Variants in AGBL4 observed in about 807,000 individuals in gnomAD.
The protein encoded by AGBL4 is cytosolic carboxypeptidase 6.
Under a neutral mutation model 66.4 loss-of-function variants are expected in AGBL4, and 58 were observed. The observed-to-expected ratio is 0.87, with a 90% confidence interval of 0.71 to 1.09. The LOEUF (loss-of-function observed/expected upper bound fraction) is 1.09. Ranked by LOEUF, AGBL4 falls within the 50% of genes least tolerant of loss-of-function variation. The pLI is 0.00. For missense variants in AGBL4, 579 were observed against 631.0 expected (o/e 0.92, Z 0.88); for synonymous variants, 234 against 222.9 (o/e 1.05, Z -0.44).
intron 3 of AGBL4, among the ~76,000 whole-genome samples, chr1:49,631,716 G>T (rs1300168472): frequency 6.6e-6 from 1 of 152,194 alleles, no homozygotes; most frequent in Non-Finnish European, 1.5e-5. Context: ...AAGCAGGGAT[G>T]ACCTTCAGAC....
At chr1:48,835,065 T>C (rs1416127921) in intron 6 of AGBL4, among the ~76,000 whole-genome samples, 2 of 152,156 alleles carry the variant, frequency 1.3e-5, no homozygotes, top group Non-Finnish European at 2.9e-5. Flanking sequence ...CCTCTGTGAA[T>C]GGTGAGTTAT....
At chr1:50,015,824 G>T (rs1211944063) in intron 1 of AGBL4, among the ~76,000 whole-genome samples, 1 of 152,076 alleles carries the variant, frequency 6.6e-6, no homozygotes, top group Non-Finnish European at 1.5e-5. Context: ...ACAGAACAGA[G>T]GAAGCAGAAA....
chr1:49,734,203 G>T (rs1295485051), intron 2 of AGBL4, among the ~76,000 whole-genome samples: 3 of 151,870 alleles, frequency 2.0e-5, no homozygotes, highest in Non-Finnish European at 2.9e-5. Flanking sequence ...TGCCCCCAAA[G>T]ATCAGGAACA....
intron 2 of AGBL4, among the ~76,000 whole-genome samples, chr1:49,786,789 GA>G (rs1253615199): frequency 1.3e-5 from 2 of 151,656 alleles, no homozygotes; most frequent in South Asian, 4.2e-4. Context: ...TAGGTATCAA[GA>G]AAAAAAACAG....
chr1:49,321,579 T>C (rs1570430702), intron 3 of AGBL4, among the ~76,000 whole-genome samples: 1 of 152,208 alleles, frequency 6.6e-6, no homozygotes, highest in Admixed American at 6.5e-5. Context: ...CTTCTAGGTA[T>C]ATGTCTTAGA....
intron 3 of AGBL4, among the ~76,000 whole-genome samples, chr1:49,479,957 T>C (rs567697516): frequency 6.6e-6 from 1 of 152,052 alleles, no homozygotes; most frequent in African/African-American, 2.4e-5. Flanking sequence ...TCCACCCGCC[T>C]CGACCTCCCA....
At chr1:49,610,082 TA>T (rs1645127448) in intron 3 of AGBL4, among the ~76,000 whole-genome samples, 1 of 151,988 alleles carries the variant, frequency 6.6e-6, no homozygotes, top group Non-Finnish European at 1.5e-5. Flanking sequence ...AAATAAAAAA[TA>T]AAAATAAGAT....
chr1:48,667,198 ACTTCCTT>A (rs1249746478), intron 6 of AGBL4, among the ~76,000 whole-genome samples: 1 of 152,224 alleles, frequency 6.6e-6, no homozygotes, highest in African/African-American at 2.4e-5. Context: ...GGACTTAGAG[ACTTCCTT>A]CTAACAAATG....
At chr1:48,893,991 G>A (rs553970906) in intron 5 of AGBL4, among the ~76,000 whole-genome samples, 1 of 152,308 alleles carries the variant, frequency 6.6e-6, no homozygotes, top group South Asian at 2.1e-4. Context: ...GAAGGAACCT[G>A]CTTAAGCTTT....
At chr1:49,327,968 A>G (rs1378911466) in intron 3 of AGBL4, among the ~76,000 whole-genome samples, 3 of 152,208 alleles carry the variant, frequency 2.0e-5, no homozygotes, top group Non-Finnish European at 2.9e-5. Context: ...ACAGGTGAGA[A>G]AAAAAGAGAC....
chr1:49,907,958 T>A (rs1650438689), intron 1 of AGBL4, among the ~76,000 whole-genome samples: 2 of 151,954 alleles, frequency 1.3e-5, no homozygotes, highest in Non-Finnish European at 1.5e-5. Flanking sequence ...AAAACTGCTC[T>A]CAAAAAATAA....
At chr1:49,091,348 T>A (rs1645000205) in intron 4 of AGBL4, among the ~76,000 whole-genome samples, 1 of 151,954 alleles carries the variant, frequency 6.6e-6, no homozygotes, top group Admixed American at 6.6e-5. Context: ...AGATCTGACA[T>A]CCAGAGTCTA....
intron 6 of AGBL4, among the ~76,000 whole-genome samples, chr1:48,702,449 G>A (rs1646817167): frequency 6.6e-6 from 1 of 151,912 alleles, no homozygotes; most frequent in African/African-American, 2.4e-5. Flanking sequence ...CCACAACTAC[G>A]CCTAGCTAAT....
intron 6 of AGBL4, among the ~76,000 whole-genome samples, chr1:48,839,376 T>C (rs1646749398): frequency 6.6e-6 from 1 of 152,090 alleles, no homozygotes; most frequent in African/African-American, 2.4e-5. Context: ...AAATTGAATG[T>C]CTTTATGTCT....
chr1:49,673,645 T>C (rs960487581), intron 3 of AGBL4, among the ~76,000 whole-genome samples: 8 of 152,132 alleles, frequency 5.3e-5, no homozygotes, highest in African/African-American at 1.4e-4. Flanking sequence ...GAAATTTTCA[T>C]TGGAAAAAAA....
intron 5 of AGBL4, among the ~76,000 whole-genome samples, chr1:48,966,470 AT>A (rs1356049184): frequency 1.3e-5 from 2 of 152,094 alleles, no homozygotes; most frequent in African/African-American, 4.8e-5. Context: ...AAGTTGGGAG[AT>A]TTTTTAAGAT....
At chr1:49,270,979 G>A (rs1644045553) in intron 3 of AGBL4, among the ~76,000 whole-genome samples, 1 of 152,140 alleles carries the variant, frequency 6.6e-6, no homozygotes, top group Admixed American at 6.6e-5. Context: ...TCCTTTGAAA[G>A]CTCAAACTGC....
chr1:49,739,250 T>C (rs1035380548), intron 2 of AGBL4, among the ~76,000 whole-genome samples: 7 of 151,988 alleles, frequency 4.6e-5, no homozygotes, highest in Non-Finnish European at 8.8e-5. Context: ...GAGAACTACA[T>C]GAGGAATGCA....
At chr1:48,872,550 C>T (rs4387218) in intron 5 of AGBL4, among the ~76,000 whole-genome samples, 1 of 152,176 alleles carries the variant, frequency 6.6e-6, no homozygotes, top group Non-Finnish European at 1.5e-5. Flanking sequence ...ATAGATAAAG[C>T]CTTCTGAATC....
Sources: gnomAD v4.1 joint callset for allele counts (sites outside exome capture counted in the v4.1 genomes callset) on GRCh38, gnomAD v4.1.1 for gene constraint, MANE v1.5 for transcripts, NCBI Gene and HGNC (gene_info 2026-07-23, HGNC 2026-07-21) for gene names.